The following DIAPH3 variants were observed in gnomAD, a reference collection of about 807,000 sequenced individuals.
DIAPH3 encodes diaphanous related formin 3, also known as protein diaphanous homolog 3.
A neutral mutation model predicts 144.3 loss-of-function variants in DIAPH3; 117 were observed. The observed-to-expected ratio is 0.81, with a 90% CI of 0.70 to 0.95. DIAPH3 has a LOEUF of 0.95. Ranked by LOEUF, DIAPH3 falls within the 40% of genes least tolerant of loss-of-function variation. The pLI is 0.00. For synonymous variants in DIAPH3, 519 were observed against 488.9 expected, an observed-to-expected ratio of 1.06 and a Z score of -0.81; for missense variants, 1,421 against 1,412.7, an observed-to-expected ratio of 1.01 and a Z score of -0.09.
intron 17 of DIAPH3, among the ~76,000 whole-genome samples, chr13:59,944,467 A>G (rs1774610824): frequency 6.6e-6 from 1 of 152,186 alleles, no homozygotes. Context: ...TACAGTGTAG[A>G]AGAAAATTTG....
chr13:59,702,925 G>C (rs2034192092), intron 27 of DIAPH3, among the ~76,000 whole-genome samples: 1 of 152,072 alleles, frequency 6.6e-6, no homozygotes, highest in Non-Finnish European at 1.5e-5. Flanking sequence ...CTTTATGTCT[G>C]TCCTCAAACA....
chr13:59,936,996 T>C (rs1217343543), intron 17 of DIAPH3, among the ~76,000 whole-genome samples: 1 of 151,968 alleles, frequency 6.6e-6, no homozygotes, highest in East Asian at 1.9e-4. Flanking sequence ...ACCCCATCTC[T>C]ACTAAAAATA....
chr13:59,980,747 T>A (rs753061801), intron 14 of DIAPH3, 48 bp downstream of exon 14: 1 of 1,508,424 alleles, frequency 6.6e-7, no homozygotes, highest in East Asian at 2.3e-5. Context: ...GAAGCATGCC[T>A]GCAGTGGTTC....
intron 14 of DIAPH3, among the ~76,000 whole-genome samples, chr13:59,977,968 A>C (rs967247503): frequency 1.3e-5 from 2 of 151,732 alleles, no homozygotes; most frequent in Non-Finnish European, 2.9e-5. Context: ...CTTCATACTG[A>C]TTCCTCAAGG....
intron 2 of DIAPH3, among the ~76,000 whole-genome samples, chr13:60,125,890 C>T (rs1366814191): frequency 6.6e-6 from 1 of 151,868 alleles, no homozygotes; most frequent in Non-Finnish European, 1.5e-5. Context: ...AGAAGAGATT[C>T]AAGAAATAAT....
intron 4 of DIAPH3, among the ~76,000 whole-genome samples, chr13:60,053,829 C>A (rs2056452913): frequency 6.6e-6 from 1 of 151,754 alleles, no homozygotes. Context: ...TATTAATGAC[C>A]AGATTTTTAA....
At chr13:59,739,228 TAAAC>T (rs142330088) in intron 27 of DIAPH3, among the ~76,000 whole-genome samples, 174 of 152,342 alleles carry the variant, frequency 1.1e-3, no homozygotes, top group African/African-American at 4.1e-3. Flanking sequence ...CTGTATAAAA[TAAAC>T]TGACTACGTT....
chr13:59,714,279 G>T (rs1391330663), intron 27 of DIAPH3, among the ~76,000 whole-genome samples: 9 of 149,616 alleles, frequency 6.0e-5, no homozygotes, highest in African/African-American at 2.0e-4. Context: ...AGAATGGCGT[G>T]AACCCGGGAG....
chr13:60,156,790 G>C (rs1186905859), intron 1 of DIAPH3, among the ~76,000 whole-genome samples: 1 of 151,002 alleles, frequency 6.6e-6, no homozygotes, highest in Non-Finnish European at 1.5e-5. Context: ...TCTCAGATTA[G>C]TATCATAAGC....
At chr13:59,702,880 C>T (rs896763521) in intron 27 of DIAPH3, among the ~76,000 whole-genome samples, 2 of 152,112 alleles carry the variant, frequency 1.3e-5, no homozygotes, top group African/African-American at 4.8e-5. Context: ...CTCCTTCCTG[C>T]ACTCATGTGC....
At chr13:59,810,747 T>C in intron 25 of DIAPH3, 41 bp downstream of exon 25, 1 of 1,599,058 alleles carries the variant, frequency 6.3e-7, no homozygotes, top group South Asian at 1.1e-5. Flanking sequence ...ATATAAATCT[T>C]AAGTATACAT....
chr13:59,789,473 GT>G (rs1452200972), intron 25 of DIAPH3, among the ~76,000 whole-genome samples: 1 of 152,126 alleles, frequency 6.6e-6, no homozygotes, highest in Non-Finnish European at 1.5e-5. Context: ...TCCTTATGAA[GT>G]TTTTGAATAA....
At chr13:60,149,716 G>A (rs1951696026) in intron 1 of DIAPH3, among the ~76,000 whole-genome samples, 1 of 140,290 alleles carries the variant, frequency 7.1e-6, no homozygotes, top group Admixed American at 7.7e-5. Flanking sequence ...TTGTACCACT[G>A]CACGCCAGCC....
At chr13:59,857,773 T>G (rs891418711) in intron 22 of DIAPH3, among the ~76,000 whole-genome samples, 1 of 152,172 alleles carries the variant, frequency 6.6e-6, no homozygotes, top group African/African-American at 2.4e-5. Flanking sequence ...CATTTACTTT[T>G]AAGTTTCTTG....
intron 20 of DIAPH3, among the ~76,000 whole-genome samples, chr13:59,894,765 T>C (rs980880510): frequency 6.6e-6 from 1 of 152,040 alleles, no homozygotes; most frequent in Non-Finnish European, 1.5e-5. Context: ...TATAACAATA[T>C]TAAGCTGCTG....
chr13:59,999,426 G>C (rs1261816842), intron 9 of DIAPH3, among the ~76,000 whole-genome samples: 1 of 152,004 alleles, frequency 6.6e-6, no homozygotes. Flanking sequence ...GAAATCCACA[G>C]ATTGAAGAGT....
chr13:59,901,530 A>G (rs537059337), intron 20 of DIAPH3, among the ~76,000 whole-genome samples: 1 of 152,348 alleles, frequency 6.6e-6, no homozygotes, highest in East Asian at 1.9e-4. Context: ...CCTGCAGAGC[A>G]TTCACTACTA....
At chr13:60,127,736 G>A (rs532225643) in intron 2 of DIAPH3, among the ~76,000 whole-genome samples, 5 of 152,090 alleles carry the variant, frequency 3.3e-5, no homozygotes, top group Admixed American at 2.0e-4. Flanking sequence ...TGGGAGAAGA[G>A]AATTGACTGT....
intron 3 of DIAPH3, among the ~76,000 whole-genome samples, chr13:60,110,866 A>G (rs907865765): frequency 6.6e-6 from 1 of 152,214 alleles, no homozygotes; most frequent in African/African-American, 2.4e-5. Flanking sequence ...ATTAAAATAT[A>G]TAGTATTAGC....
Sources: gnomAD v4.1 joint callset for allele counts (sites outside exome capture counted in the v4.1 genomes callset) on GRCh38, gnomAD v4.1.1 for gene constraint, MANE v1.5 for transcripts, NCBI Gene and HGNC (gene_info 2026-07-23, HGNC 2026-07-21) for gene names.